Variants in CNTNAP2 observed in about 807,000 individuals in gnomAD.
The protein encoded by CNTNAP2 is contactin associated protein 2.
A neutral mutation model predicts 155.2 loss-of-function variants in CNTNAP2; 98 were observed. That is an observed-to-expected ratio of 0.63 (90% CI 0.54 to 0.75). The LOEUF is 0.75. Ranked by LOEUF, CNTNAP2 falls within the 30% of genes least tolerant of loss-of-function variation. The pLI is 0.00. For synonymous variants in CNTNAP2, 651 were observed against 631.2 expected (o/e 1.03, Z -0.47); for missense variants, 1,727 against 1,688.1 (o/e 1.02, Z -0.40).
At chr7:146,352,750 G>GTTTTGTTTTTTTTTTTTTTT (rs1794934626) in intron 1 of CNTNAP2, among the ~76,000 whole-genome samples, 2 of 64,336 alleles carry the variant, frequency 3.1e-5, no homozygotes, top group African/African-American at 6.4e-5. Flanking sequence ...GCATAATTCT[G>GTTTTGTTTTTTTTTTTTTTT]TTTTTTTTTT....
chr7:146,901,975 AC>A (rs1198792447), intron 3 of CNTNAP2, among the ~76,000 whole-genome samples: 25 of 144,416 alleles, frequency 1.7e-4, no homozygotes, highest in African/African-American at 6.5e-4. Context: ...TCCCGGGTTC[AC>A]GCCATTCTCC....
intron 21 of CNTNAP2, among the ~76,000 whole-genome samples, chr7:148,312,607 A>G (rs562248259): frequency 0.016 from 2,454 of 152,266 alleles, 53 homozygotes; most frequent in African/African-American, 0.056. Context: ...TTGGCACCAC[A>G]GGGTGGATAG....
intron 13 of CNTNAP2, among the ~76,000 whole-genome samples, chr7:147,869,503 A>T (rs4726894): frequency 0.34 from 51,760 of 152,134 alleles, 9,099 homozygotes; most frequent in Middle Eastern, 0.42. Flanking sequence ...GTGAAAAAGA[A>T]ATGAATCAAC....
At chr7:147,155,339 A>T (rs1367064466) in intron 8 of CNTNAP2, among the ~76,000 whole-genome samples, 1 of 152,168 alleles carries the variant, frequency 6.6e-6, no homozygotes, top group East Asian at 1.9e-4. Flanking sequence ...AACTGTGAGA[A>T]ATAAGTATCT....
chr7:146,980,130 G>T (rs1797985986), intron 3 of CNTNAP2, among the ~76,000 whole-genome samples: 1 of 152,054 alleles, frequency 6.6e-6, no homozygotes. Context: ...ATATGAACAG[G>T]CAGAGGAGGA....
At chr7:147,835,331 A>G (rs2116642476) in intron 13 of CNTNAP2, among the ~76,000 whole-genome samples, 1 of 152,328 alleles carries the variant, frequency 6.6e-6, no homozygotes, top group Middle Eastern at 3.4e-3. Context: ...TGTAAAGGCT[A>G]TCATATATGT....
chr7:147,128,160 G>T (rs1801278596), intron 6 of CNTNAP2, among the ~76,000 whole-genome samples: 1 of 151,926 alleles, frequency 6.6e-6, no homozygotes. Flanking sequence ...GATATTTTTT[G>T]AACTATTTTC....
chr7:147,959,382 T>C (rs923910948), intron 14 of CNTNAP2, among the ~76,000 whole-genome samples: 1 of 152,066 alleles, frequency 6.6e-6, no homozygotes, highest in Non-Finnish European at 1.5e-5. Context: ...CACCATGAGT[T>C]TGATGCAAGG....
At chr7:147,210,839 C>T (rs555982984) in intron 8 of CNTNAP2, among the ~76,000 whole-genome samples, 106 of 152,030 alleles carry the variant, frequency 7.0e-4, no homozygotes, top group African/African-American at 2.2e-3. Flanking sequence ...ATTCAAAAGT[C>T]ATTCAGAAAC....
intron 11 of CNTNAP2, among the ~76,000 whole-genome samples, chr7:147,527,741 G>A (rs1449088649): frequency 2.6e-5 from 4 of 152,144 alleles, no homozygotes; most frequent in Admixed American, 1.3e-4. Flanking sequence ...CATTCCCTTA[G>A]GAAGCCCTTT....
Position 146,494,259 on chromosome 7 carries a change from G to A in CNTNAP2, c.98-280012G>A, listed in dbSNP as rs570559550. ...TGAGGCAGGAGAATGGCATGAATCC[G>A]GGAGGCGGAGTTTGTAGTGAGCAGA... On this transcript the variant is annotated intron_variant, in intron 1 of 23. Coordinates refer to ENST00000361727, the MANE Select transcript of CNTNAP2 (RefSeq NM_014141.6). Among the ~76,000 whole-genome samples the A allele has an allele frequency of 1.1e-3, 160 of 152,004 alleles. 1 individual carries two copies. In the South Asian group the frequency reaches 0.011, roughly 10 times the overall value.
At chr7:147,720,949 G>T (rs924341963) in intron 13 of CNTNAP2, among the ~76,000 whole-genome samples, 32 of 152,012 alleles carry the variant, frequency 2.1e-4, no homozygotes, top group African/African-American at 7.5e-4. Flanking sequence ...TGGCTTGGTG[G>T]CTTGGTCATG....
chr7:146,173,430 C>T (rs1798423698), intron 1 of CNTNAP2, among the ~76,000 whole-genome samples: 1 of 152,026 alleles, frequency 6.6e-6, no homozygotes, highest in Non-Finnish European at 1.5e-5. Context: ...ACACTATCTG[C>T]TTCCTCAAAT....
intron 13 of CNTNAP2, among the ~76,000 whole-genome samples, chr7:147,735,464 A>C (rs1333635886): frequency 2.0e-5 from 3 of 152,220 alleles, no homozygotes; most frequent in South Asian, 2.1e-4. Flanking sequence ...TTTTGGAGTA[A>C]GTGCAGTGTG....
intron 9 of CNTNAP2, among the ~76,000 whole-genome samples, chr7:147,391,050 G>T (rs896065231): frequency 1.3e-5 from 2 of 152,108 alleles, no homozygotes; most frequent in Admixed American, 6.6e-5. Flanking sequence ...AAATGAAGCT[G>T]TTTAGGTATA....
Position 146,167,636 on chromosome 7 carries a change from T to C in CNTNAP2, c.97+50663T>C, listed in dbSNP as rs565790934. 2.6e-5 allele frequency among the ~76,000 whole-genome samples: 4 copies of C among 152,314 alleles called. No homozygotes were observed. The East Asian group carries it at 7.7e-4, about 29-fold the overall frequency. On this transcript the variant is annotated intron_variant, in intron 1 of 23. Coordinates refer to ENST00000361727, the MANE Select transcript of CNTNAP2 (RefSeq NM_014141.6). ...TATCTTTGTTGTTGCTTTTCAAAGA[T>C]ACAAGGAATACTTGAGGAGGTGTAT...
At chr7:146,797,784 A>G (rs1050991987) in intron 2 of CNTNAP2, among the ~76,000 whole-genome samples, 4 of 152,184 alleles carry the variant, frequency 2.6e-5, no homozygotes, top group African/African-American at 9.7e-5. Context: ...AGCATTCAAA[A>G]TGTATTTGTT....
At chr7:147,562,677 C>A (rs1800087836) in intron 12 of CNTNAP2, among the ~76,000 whole-genome samples, 1 of 152,176 alleles carries the variant, frequency 6.6e-6, no homozygotes, top group Admixed American at 6.5e-5. Context: ...TAGAAGAAAT[C>A]TTTCTAAGTC....
intron 1 of CNTNAP2, among the ~76,000 whole-genome samples, chr7:146,756,027 T>C (rs1369610766): frequency 1.3e-5 from 2 of 151,464 alleles, no homozygotes; most frequent in African/African-American, 2.4e-5. Context: ...TGCACTCTTT[T>C]TGAGTTAAAT....
Sources: allele counts gnomAD v4.1 joint callset (sites outside exome capture counted in the v4.1 genomes callset), GRCh38; gene constraint gnomAD v4.1.1; transcripts MANE v1.5; gene names NCBI Gene and HGNC (gene_info 2026-07-23, HGNC 2026-07-21).